ASIC2: variants seen among roughly 807,000 people sequenced by gnomAD.
ASIC2 encodes acid-sensing ion channel 2.
ASIC2 carries 25 observed loss-of-function variants against 57.3 expected under a neutral mutation model. The observed-to-expected ratio is 0.44, with a 90% CI of 0.32 to 0.61. ASIC2 has a LOEUF of 0.61. ASIC2 is among the 20% of genes least tolerant of loss of function. The probability of loss-of-function intolerance (pLI) is 0.06; values close to 1 mark genes in which losing one functional copy is unlikely to be tolerated. For synonymous variants in ASIC2, 319 were observed against 307.5 expected, an observed-to-expected ratio of 1.04 and a Z score of -0.39; for missense variants, 641 against 738.1, an observed-to-expected ratio of 0.87 and a Z score of 1.52.
chr17:33,365,094 C>G (rs116742324), intron 1 of ASIC2, among the ~76,000 whole-genome samples: 1 of 152,160 alleles, frequency 6.6e-6, no homozygotes, highest in Non-Finnish European at 1.5e-5. Context: ...CCCTCTGCTT[C>G]GGTGTGACCA....
chr17:33,278,637 G>A (rs1253251741), intron 1 of ASIC2, among the ~76,000 whole-genome samples: 1 of 152,168 alleles, frequency 6.6e-6, no homozygotes, highest in Admixed American at 6.5e-5. Context: ...AGAGCTCTGT[G>A]AGGGGAGGGT....
intron 1 of ASIC2, among the ~76,000 whole-genome samples, chr17:33,972,580 A>C (rs953073938): frequency 1.3e-5 from 2 of 152,166 alleles, no homozygotes; most frequent in African/African-American, 4.8e-5. Context: ...CAAAACAAAA[A>C]AATCCAAAAA....
intron 1 of ASIC2, among the ~76,000 whole-genome samples, chr17:33,170,698 T>C (rs1432967947): frequency 2.0e-5 from 3 of 152,210 alleles, no homozygotes; most frequent in Non-Finnish European, 4.4e-5. Flanking sequence ...GGACAGAGCA[T>C]GAGAACTTCT....
rs1904404897 is a variant in ASIC2 at position 33,269,751 on chromosome 17, T to TTCCTTCC, written c.708+21656_708+21657insGGAAGGA. On this transcript the variant is annotated intron_variant, in intron 1 of 9. Transcript: ENST00000225823. Reference sequence around the variant, plus strand: ...CCCTCCCTCCTTCCTTCCTTCCTTCTTTCCTTCCTTCCTTCCTTCCTTCTT... The same window carrying TTCCTTCC: ...CCCTCCCTCCTTCCTTCCTTCCTTCTTCCTTCCTTCCTTCCTTCCTTCCTTCCTTCTT... Among the ~76,000 whole-genome samples, 83 of 103,022 alleles carry TTCCTTCC rather than the reference T, an allele frequency of 8.1e-4. 2 individuals carry two copies. The highest frequency in any genetic ancestry group is 2.7e-3 in the African/African-American group (74 of 27,456). 67.6% of individuals were successfully genotyped at this position (103,022 alleles called of 152,430 possible).
chr17:33,112,222 C>T lies in ASIC2; in HGVS notation c.709-155G>A, dbSNP rs1463760196. On this transcript the variant is annotated intron_variant, in intron 1 of 9. Transcript: ENST00000225823. ...AGGAACCAGTGGTTTTTCATCCTGG[C>T]TGTGGGCCTGACTTGTACCAAGTGA... The T allele has an allele frequency of 5.9e-6, 6 of 1,014,326 alleles. No homozygotes were observed. The East Asian group carries it at 1.4e-4, about 23-fold the overall frequency. The allele number at this position is 1,014,326 out of a possible 1,614,324, so 62.8% of individuals were successfully genotyped here. A position where few individuals can be genotyped will look rare whatever the true frequency, so the allele number is the denominator to read the frequency against.
At chr17:33,414,068 A>T (rs1481335753) in intron 1 of ASIC2, among the ~76,000 whole-genome samples, 3 of 152,152 alleles carry the variant, frequency 2.0e-5, no homozygotes, top group Non-Finnish European at 4.4e-5. Flanking sequence ...GTCCTCCTTA[A>T]GTCTTGTTCC....
chr17:34,036,765 C>G, intron 1 of ASIC2: 1 of 139,710 alleles, frequency 7.2e-6, no homozygotes, highest in Non-Finnish European at 1.5e-5. Context: ...AAAGGGACAA[C>G]CGTCAAGTGT....
chr17:33,472,988 A>G (rs1381454982), intron 1 of ASIC2, among the ~76,000 whole-genome samples: 1 of 152,220 alleles, frequency 6.6e-6, no homozygotes, highest in Non-Finnish European at 1.5e-5. Context: ...GGGAATACTA[A>G]TAGTTTCCTG....
At chr17:33,879,406 G>A (rs1432580781) in intron 1 of ASIC2, among the ~76,000 whole-genome samples, 2 of 152,200 alleles carry the variant, frequency 1.3e-5, no homozygotes, top group Admixed American at 1.3e-4. Context: ...TAAAGGGATG[G>A]AGGAAGATCT....
chr17:33,617,384 G>A (rs376328151), intron 1 of ASIC2, among the ~76,000 whole-genome samples: 5 of 152,146 alleles, frequency 3.3e-5, no homozygotes, highest in African/African-American at 9.7e-5. Flanking sequence ...TATCCTAAGC[G>A]AACTAACACA....
intron 3 of ASIC2, among the ~76,000 whole-genome samples, chr17:33,086,586 G>A (rs918262721): frequency 6.6e-6 from 1 of 152,126 alleles, no homozygotes; most frequent in South Asian, 2.1e-4. Context: ...AGGCTCTTCT[G>A]AGCCCTCTTC....
chr17:34,065,744 G>A (rs1909149126), intron 1 of ASIC2, among the ~76,000 whole-genome samples: 1 of 152,054 alleles, frequency 6.6e-6, no homozygotes, highest in Non-Finnish European at 1.5e-5. Context: ...TGAATAAGAG[G>A]AAAACAGGGG....
intron 1 of ASIC2, among the ~76,000 whole-genome samples, chr17:33,714,248 T>C (rs1391355991): frequency 6.6e-6 from 1 of 152,194 alleles, no homozygotes; most frequent in Non-Finnish European, 1.5e-5. Flanking sequence ...CTTAAGGTAC[T>C]CAATCAGTCC....
At chr17:33,746,368 A>ACC (rs1347554040) in intron 1 of ASIC2, among the ~76,000 whole-genome samples, 10 of 148,888 alleles carry the variant, frequency 6.7e-5, no homozygotes, top group African/African-American at 2.5e-4. Context: ...ATATATGTAG[A>ACC]TATACATGTA....
At chr17:33,242,956 A>G (rs887547545) in intron 1 of ASIC2, among the ~76,000 whole-genome samples, 8 of 152,218 alleles carry the variant, frequency 5.3e-5, no homozygotes, top group Admixed American at 5.2e-4. Flanking sequence ...AGCCCAGCTC[A>G]CTGGAGCACC....
chr17:33,333,764 T>TA (rs1416941724), intron 1 of ASIC2, among the ~76,000 whole-genome samples: 1 of 152,172 alleles, frequency 6.6e-6, no homozygotes, highest in Non-Finnish European at 1.5e-5. Flanking sequence ...CCTGTGCCTA[T>TA]AGGCTCCAAG....
intron 1 of ASIC2, among the ~76,000 whole-genome samples, chr17:33,734,065 A>G (rs1485154465): frequency 1.3e-5 from 2 of 152,132 alleles, no homozygotes; most frequent in African/African-American, 4.8e-5. Flanking sequence ...CACTGAGAAA[A>G]TAGAAGCAAT....
chr17:34,042,681 T>C (rs567765609), intron 1 of ASIC2, among the ~76,000 whole-genome samples: 1 of 152,342 alleles, frequency 6.6e-6, no homozygotes, highest in African/African-American at 2.4e-5. Context: ...CTTATCAAAT[T>C]GTATAATTTG....
At chr17:33,781,285 G>T (rs9896421) in intron 1 of ASIC2, among the ~76,000 whole-genome samples, 92,394 of 152,122 alleles carry the variant, frequency 0.61, 28,897 homozygotes, top group Non-Finnish European at 0.66. Context: ...AGCCCGAGAC[G>T]CCTCTCCACA....
Sources: allele counts gnomAD v4.1 joint callset (sites outside exome capture counted in the v4.1 genomes callset), GRCh38; gene constraint gnomAD v4.1.1; transcripts MANE v1.5; gene names NCBI Gene and HGNC (gene_info 2026-07-23, HGNC 2026-07-21).